The following SEMA5A variants were observed in gnomAD, a reference collection of about 807,000 sequenced individuals.
SEMA5A encodes semaphorin-5A.
Under a neutral mutation model 135.5 loss-of-function variants are expected in SEMA5A, and 55 were observed. The observed-to-expected ratio is 0.41, with a 90% CI of 0.33 to 0.51. The LOEUF (loss-of-function observed/expected upper bound fraction) is 0.51, where lower values mean the gene tolerates loss of function less well. SEMA5A is among the 20% of genes least tolerant of loss of function. The probability of loss-of-function intolerance (pLI) is 0.37; values close to 1 mark genes in which losing one functional copy is unlikely to be tolerated. For synonymous variants in SEMA5A, 580 were observed against 546.5 expected, an observed-to-expected ratio of 1.06 and a Z score of -0.85; for missense variants, 1,290 against 1,419.9, an observed-to-expected ratio of 0.91 and a Z score of 1.47.
At chr5:9,239,845 TTAAA>T (rs1294336309) in intron 5 of SEMA5A, among the ~76,000 whole-genome samples, 2 of 152,034 alleles carry the variant, frequency 1.3e-5, no homozygotes, top group African/African-American at 2.4e-5. Context: ...TTGTTAAAAG[TTAAA>T]TAATAATGTT....
At chr5:9,358,754 C>T (rs1025057989) in intron 3 of SEMA5A, among the ~76,000 whole-genome samples, 1 of 152,094 alleles carries the variant, frequency 6.6e-6, no homozygotes, top group Non-Finnish European at 1.5e-5. Context: ...TTGAAAGAAA[C>T]GAAGCTGGAA....
chr5:9,239,624 G>A (rs1052289895), intron 5 of SEMA5A, among the ~76,000 whole-genome samples: 2 of 151,810 alleles, frequency 1.3e-5, no homozygotes, highest in Non-Finnish European at 2.9e-5. Flanking sequence ...ACAGTATTGA[G>A]GATTGATTAA....
At chr5:9,044,305 C>G in intron 22 of SEMA5A, 68 bp downstream of exon 22, 1 of 1,293,182 alleles carries the variant, frequency 7.7e-7, no homozygotes, top group Non-Finnish European at 1.1e-6. Flanking sequence ...AGAGAAAGGG[C>G]ATCAAAATAC....
At chr5:9,241,884 G>C (rs1242683785) in intron 5 of SEMA5A, among the ~76,000 whole-genome samples, 2 of 152,170 alleles carry the variant, frequency 1.3e-5, no homozygotes, top group Non-Finnish European at 2.9e-5. Flanking sequence ...AGCAAAGGCA[G>C]ACACTTCATA....
intron 1 of SEMA5A, among the ~76,000 whole-genome samples, chr5:9,541,309 A>C (rs1738073107): frequency 6.6e-6 from 1 of 152,226 alleles, no homozygotes; most frequent in Non-Finnish European, 1.5e-5. Flanking sequence ...ATTGTACATA[A>C]AAATGTAACA....
intron 5 of SEMA5A, among the ~76,000 whole-genome samples, chr5:9,252,523 T>C (rs1316673919): frequency 1.3e-5 from 2 of 152,220 alleles, no homozygotes; most frequent in Non-Finnish European, 2.9e-5. Flanking sequence ...CTTTACACTA[T>C]ACAAAGAAAA....
intron 3 of SEMA5A, among the ~76,000 whole-genome samples, chr5:9,360,749 AC>A (rs2126372181): frequency 6.6e-6 from 1 of 152,354 alleles, no homozygotes; most frequent in Non-Finnish European, 1.5e-5. Flanking sequence ...ATTAGTACTT[AC>A]ATTATTCATG....
chr5:9,200,994 C>G (rs1251289677), intron 9 of SEMA5A, among the ~76,000 whole-genome samples: 1 of 152,260 alleles, frequency 6.6e-6, no homozygotes, highest in South Asian at 2.1e-4. Flanking sequence ...GTTGGTCATC[C>G]TACCTCATTT....
chr5:9,545,729 G>A lies in SEMA5A; in HGVS notation c.-320C>T, dbSNP rs918329104. On this transcript the variant is annotated 5_prime_UTR_variant, in exon 1 of 23. Transcript: ENST00000382496. This position sits in a 1 kb window ranked among gnomAD's most constrained non-coding sequence, Gnocchi z 4.5. ...TCCCCAGAGCCGCCCCCTACTCGCTGAGTTCCAGAATGGGGGCACCGGCTT... is the reference window on the plus strand; with the variant it reads ...TCCCCAGAGCCGCCCCCTACTCGCTAAGTTCCAGAATGGGGGCACCGGCTT... 2.0e-5 allele frequency: 3 copies of A among 152,464 alleles called. No individual in the cohort carries two copies. Among genetic ancestry groups the A allele is most frequent in the Admixed American group, 1.3e-4 (2 of 15,288 alleles). 9.4% of individuals were successfully genotyped at this position (152,464 alleles called of 1,614,324 possible).
chr5:9,331,455 A>G (rs1753127816), intron 4 of SEMA5A, among the ~76,000 whole-genome samples: 1 of 152,222 alleles, frequency 6.6e-6, no homozygotes, highest in African/African-American at 2.4e-5. Flanking sequence ...TTGGGTTCCT[A>G]TGTAAACAAA....
chr5:9,445,403 C>T (rs1758395146), intron 1 of SEMA5A, among the ~76,000 whole-genome samples: 1 of 151,406 alleles, frequency 6.6e-6, no homozygotes, highest in South Asian at 2.1e-4. Context: ...GGCACGGTGG[C>T]TCACGCCTGT....
chr5:9,514,562 T>A (rs1236294419), intron 1 of SEMA5A, among the ~76,000 whole-genome samples: 2 of 152,190 alleles, frequency 1.3e-5, no homozygotes, highest in Non-Finnish European at 2.9e-5. Flanking sequence ...CCTATGCATA[T>A]CCTCCCATGT....
intron 11 of SEMA5A, among the ~76,000 whole-genome samples, chr5:9,177,090 A>G (rs1744246584): frequency 2.6e-5 from 4 of 152,246 alleles, no homozygotes; most frequent in Admixed American, 2.6e-4. Context: ...CTGCTCCAGC[A>G]ACACAACAGA....
rs566027032 is a variant in SEMA5A at position 9,346,917 on chromosome 5, T to A, written c.125-9105A>T. ...ATGTGTGTGTGTGTGTGTGTGTGTA[T>A]ATATATATATATGTATTTGCCTAAG... On this transcript the variant is annotated intron_variant, in intron 3 of 22. Transcript: ENST00000382496. 5.7e-4 allele frequency among the ~76,000 whole-genome samples: 45 copies of A among 78,626 alleles called. No individual in the cohort carries two copies. The East Asian group carries it at 0.011, about 19-fold the overall frequency. The allele number at this position is 78,626 out of a possible 152,430, so 51.6% of individuals were successfully genotyped here.
chr5:9,150,396 C>G (rs1305157008), intron 12 of SEMA5A, among the ~76,000 whole-genome samples: 1 of 152,092 alleles, frequency 6.6e-6, no homozygotes, highest in East Asian at 1.9e-4. Context: ...CTCTACATCC[C>G]CAGAGATCAC....
intron 11 of SEMA5A, among the ~76,000 whole-genome samples, chr5:9,165,704 T>A (rs1206395233): frequency 1.3e-5 from 2 of 152,196 alleles, no homozygotes; most frequent in African/African-American, 4.8e-5. Context: ...AAGAAAAGCT[T>A]TTGTATTTGT....
At chr5:9,308,841 C>T (rs528039352) in intron 5 of SEMA5A, among the ~76,000 whole-genome samples, 109 of 152,208 alleles carry the variant, frequency 7.2e-4, no homozygotes, top group African/African-American at 2.6e-3. Context: ...CACTTTAGTG[C>T]TGCTGGAGAA....
chr5:9,296,969 T>C (rs2150599144), intron 5 of SEMA5A, among the ~76,000 whole-genome samples: 1 of 150,850 alleles, frequency 6.6e-6, no homozygotes, highest in South Asian at 2.1e-4. Flanking sequence ...ACTGAGTTAC[T>C]ATGGGCGGAA....
intron 2 of SEMA5A, among the ~76,000 whole-genome samples, chr5:9,424,756 C>T (rs1470798848): frequency 6.6e-6 from 1 of 152,162 alleles, no homozygotes; most frequent in African/African-American, 2.4e-5. Context: ...CTTCCCCTCT[C>T]TCCAATGCCC....
Sources: allele counts gnomAD v4.1 joint callset (sites outside exome capture counted in the v4.1 genomes callset), GRCh38; gene constraint gnomAD v4.1.1; non-coding constraint Gnocchi (gnomAD v3.1); transcripts MANE v1.5; gene names NCBI Gene and HGNC (gene_info 2026-07-23, HGNC 2026-07-21).